PTPRN2: variants seen among roughly 807,000 people sequenced by gnomAD.
PTPRN2 encodes the protein receptor-type tyrosine-protein phosphatase N2.
A neutral mutation model predicts 118.8 loss-of-function variants in PTPRN2; 74 were observed. The ratio of observed to expected loss-of-function variants is 0.62; its 90% confidence interval spans 0.52 to 0.76. The LOEUF is 0.76. Among genes scored for constraint, PTPRN2 ranks in the 30% least tolerant of loss-of-function variants. PTPRN2 has a pLI of 0.00. For synonymous variants in PTPRN2, 641 were observed against 608.0 expected (o/e 1.05, Z -0.80); for missense variants, 1,481 against 1,394.4 (o/e 1.06, Z -0.99).
intron 12 of PTPRN2, among the ~76,000 whole-genome samples, chr7:157,728,485 T>A (rs1033247117): frequency 2.0e-4 from 30 of 152,316 alleles, no homozygotes; most frequent in African/African-American, 7.2e-4. Flanking sequence ...CCGGGGCCCT[T>A]GGCTCAGTGG....
chr7:157,910,592 C>T lies in PTPRN2; in HGVS notation c.1724-11855G>A, dbSNP rs776497851. ...TACACCGTTCTGCACAGCTGGCGGACGCTTCCTCTTTCCCACATGGTGTGG... is the reference window on the plus strand; with the variant it reads ...TACACCGTTCTGCACAGCTGGCGGATGCTTCCTCTTTCCCACATGGTGTGG... On this transcript the variant is annotated intron_variant, in intron 11 of 22. Transcript: ENST00000389418. 1.1e-4 allele frequency among the ~76,000 whole-genome samples: 16 copies of T among 152,358 alleles called. No individual in the cohort carries two copies. In the East Asian group the frequency reaches 1.4e-3, roughly 13 times the overall value.
intron 19 of PTPRN2, among the ~76,000 whole-genome samples, chr7:157,571,768 G>A (rs1563222962): frequency 1.3e-5 from 2 of 152,082 alleles, no homozygotes; most frequent in African/African-American, 4.8e-5. Context: ...GTGGACTCCC[G>A]GCCTGTCCTG....
chr7:157,870,083 C>T (rs184052086), intron 12 of PTPRN2, among the ~76,000 whole-genome samples: 136 of 152,212 alleles, frequency 8.9e-4, no homozygotes, highest in Admixed American at 1.4e-3. Flanking sequence ...ATCTTGATTC[C>T]GCTGTTAAAA....
At chr7:158,446,224 G>C (rs903988115) in intron 2 of PTPRN2, among the ~76,000 whole-genome samples, 1 of 152,156 alleles carries the variant, frequency 6.6e-6, no homozygotes, top group Non-Finnish European at 1.5e-5. Flanking sequence ...TTATGGGGTG[G>C]GTGTGTGCCT....
intron 6 of PTPRN2, among the ~76,000 whole-genome samples, chr7:158,139,979 A>AC (rs1554553728): frequency 0.11 from 16,184 of 152,160 alleles, 983 homozygotes; most frequent in African/African-American, 0.16. Flanking sequence ...GTGGGCCTGC[A>AC]CACAGGCTGA....
chr7:158,347,548 C>G (rs933438027), intron 2 of PTPRN2, among the ~76,000 whole-genome samples: 30 of 152,114 alleles, frequency 2.0e-4, no homozygotes, highest in Non-Finnish European at 8.8e-5. Context: ...ATGCATCCAG[C>G]TTTGTTCCTT....
At chr7:158,420,191 G>A (rs760945143) in intron 2 of PTPRN2, among the ~76,000 whole-genome samples, 5 of 152,054 alleles carry the variant, frequency 3.3e-5, no homozygotes, top group Admixed American at 2.0e-4. Context: ...ATTGTCTCAC[G>A]GCGAGCTGGC....
In PTPRN2 at chr7:157,819,970, G is replaced by T. The variant is rs1469614056; in HGVS notation, c.1788+78703C>A. ...ACATGAACACAGCAGACCCAAACAC[G>T]TTCACACGCACAACACACCCACACA... On this transcript the variant is annotated intron_variant, in intron 12 of 22. Coordinates refer to ENST00000389418, the MANE Select transcript of PTPRN2 (RefSeq NM_002847.5). Among the ~76,000 whole-genome samples, 3 of 148,188 alleles carry T rather than the reference G, an allele frequency of 2.0e-5. No individual in the cohort carries two copies. The East Asian group carries it at 6.0e-4, about 30-fold the overall frequency.
chr7:158,346,210 A>T (rs896559823), intron 2 of PTPRN2, among the ~76,000 whole-genome samples: 1 of 152,224 alleles, frequency 6.6e-6, no homozygotes, highest in Non-Finnish European at 1.5e-5. Flanking sequence ...ATAACCGTCT[A>T]CTGTTATCTT....
chr7:158,327,499 G>T (rs1175588867), intron 2 of PTPRN2, among the ~76,000 whole-genome samples: 1 of 151,322 alleles, frequency 6.6e-6, no homozygotes, highest in African/African-American at 2.4e-5. Flanking sequence ...ACATGCACAA[G>T]TTCTCACACA....
In PTPRN2 at chr7:157,767,610, G is replaced by A. The variant is rs543219481; in HGVS notation, c.1789-84673C>T. Among the ~76,000 whole-genome samples the A allele has an allele frequency of 2.5e-3, 385 of 152,348 alleles. 2 individuals are homozygous for A. The highest frequency in any genetic ancestry group is 9.0e-3 in the African/African-American group (376 of 41,574). ...GTGCAAGTCAGCAACTGGCCAGGGC[G>A]ACCGCTCTTTCACTGCCAGGCCAGT... On this transcript the variant is annotated intron_variant, in intron 12 of 22. Coordinates refer to ENST00000389418, the MANE Select transcript of PTPRN2 (RefSeq NM_002847.5).
chr7:157,739,846 G>A (rs73165809), intron 12 of PTPRN2, among the ~76,000 whole-genome samples: 9,727 of 152,260 alleles, frequency 0.064, 585 homozygotes, highest in African/African-American at 0.16. Context: ...AAGGAGGCCT[G>A]AGCTCCTGGG....
At chr7:158,074,532 T>G (rs1425711723) in intron 11 of PTPRN2, among the ~76,000 whole-genome samples, 1 of 152,202 alleles carries the variant, frequency 6.6e-6, no homozygotes, top group Non-Finnish European at 1.5e-5. Flanking sequence ...GGTGTTTATC[T>G]AGGCTGCTCC....
In PTPRN2 at chr7:157,974,559, G is replaced by A. The variant is rs116019845; in HGVS notation, c.1724-75822C>T. ...ACTGGGGGCTCGTCCATGCCTTGTC[G>A]TGGACATCTCTGGTCTCAGCCGGCA... is the stretch of plus-strand genomic sequence containing the variant. On this transcript the variant is annotated intron_variant, in intron 11 of 22. Transcript: ENST00000389418. The surrounding 1 kb of genome is among the most constrained non-coding windows in gnomAD (Gnocchi z 4.0). Among the ~76,000 whole-genome samples, 1,399 of 152,130 alleles carry A rather than the reference G, an allele frequency of 9.2e-3. 32 individuals carry two copies. Among genetic ancestry groups the A allele is most frequent in the African/African-American group, 0.031 (1,303 of 41,480 alleles).
At chr7:157,811,372 A>G (rs1806034763) in intron 12 of PTPRN2, among the ~76,000 whole-genome samples, 1 of 147,472 alleles carries the variant, frequency 6.8e-6, no homozygotes, top group South Asian at 2.1e-4. Flanking sequence ...ACACACATGT[A>G]TGTTTTAGTA....
At chr7:158,422,704 G>A (rs912433351) in intron 2 of PTPRN2, among the ~76,000 whole-genome samples, 8 of 151,762 alleles carry the variant, frequency 5.3e-5, no homozygotes, top group African/African-American at 1.2e-4. Flanking sequence ...GCCACCATTC[G>A]GATGTGGTCT....
chr7:158,290,422 G>A (rs1209801196), intron 3 of PTPRN2, among the ~76,000 whole-genome samples: 2 of 152,118 alleles, frequency 1.3e-5, no homozygotes, highest in Non-Finnish European at 2.9e-5. Context: ...AGGCCAATGG[G>A]GTCAACCTGT....
At chr7:158,251,255 T>C (rs1426506016) in intron 3 of PTPRN2, among the ~76,000 whole-genome samples, 2 of 152,174 alleles carry the variant, frequency 1.3e-5, no homozygotes, top group Non-Finnish European at 2.9e-5. Flanking sequence ...CTGGGGTGCT[T>C]TGGAACCCTC....
intron 12 of PTPRN2, among the ~76,000 whole-genome samples, chr7:157,776,953 C>T (rs1803362357): frequency 7.5e-6 from 1 of 134,082 alleles, no homozygotes; most frequent in Non-Finnish European, 1.6e-5. Flanking sequence ...TCTTCCTCTT[C>T]CCTCTCCTCC....
Sources: allele counts gnomAD v4.1 joint callset (sites outside exome capture counted in the v4.1 genomes callset), GRCh38; gene constraint gnomAD v4.1.1; non-coding constraint Gnocchi (gnomAD v3.1); transcripts MANE v1.5; gene names NCBI Gene and HGNC (gene_info 2026-07-23, HGNC 2026-07-21).